The following MCF2L2 variants were observed in gnomAD, a reference collection of about 807,000 sequenced individuals.
MCF2L2 encodes probable guanine nucleotide exchange factor MCF2L2.
Under a neutral mutation model 150.2 loss-of-function variants are expected in MCF2L2, and 102 were observed. The observed-to-expected ratio is 0.68, with a 90% CI of 0.58 to 0.80. The LOEUF (loss-of-function observed/expected upper bound fraction) is 0.80. Among genes scored for constraint, MCF2L2 ranks in the 30% least tolerant of loss-of-function variants. The pLI is 0.00. For missense variants in MCF2L2, 1,256 were observed against 1,372.8 expected, an observed-to-expected ratio of 0.91 and a Z score of 1.34; for synonymous variants, 465 against 491.3, an observed-to-expected ratio of 0.95 and a Z score of 0.71.
chr3:183,301,355 G>A (rs573851242), intron 10 of MCF2L2, among the ~76,000 whole-genome samples: 10 of 152,302 alleles, frequency 6.6e-5, no homozygotes, highest in African/African-American at 2.2e-4. Context: ...AGGTCATATG[G>A]TATCTTAGAC....
At chr3:183,296,582 C>T (rs1185660336) in intron 12 of MCF2L2, 4 of 168,260 alleles carry the variant, frequency 2.4e-5, no homozygotes, top group African/African-American at 9.5e-5. Flanking sequence ...CCCTGCATCC[C>T]TCCTTGACAG....
chr3:183,264,155 C>A (rs1042427256), intron 15 of MCF2L2, among the ~76,000 whole-genome samples: 4 of 152,210 alleles, frequency 2.6e-5, no homozygotes, highest in African/African-American at 9.7e-5. Context: ...CCCTAAGACT[C>A]CTCTACCTGA....
intron 3 of MCF2L2, among the ~76,000 whole-genome samples, chr3:183,350,903 CAA>C (rs553499577): frequency 1.0e-4 from 11 of 105,864 alleles, no homozygotes; most frequent in South Asian, 2.9e-4. Context: ...GACTCCGTCT[CAA>C]AAAAAAAAAA....
At chr3:183,415,195 T>G (rs533089314) in intron 1 of MCF2L2, among the ~76,000 whole-genome samples, 1 of 152,082 alleles carries the variant, frequency 6.6e-6, no homozygotes, top group Admixed American at 6.5e-5. Context: ...CTGAATTTTT[T>G]TTTTTTTGAG....
intron 15 of MCF2L2, chr3:183,253,839 T>C (rs1451792537): frequency 2.0e-5 from 3 of 152,230 alleles, no homozygotes; most frequent in Non-Finnish European, 2.9e-5. Flanking sequence ...GTCAGTTACG[T>C]GGTGAAAACA....
chr3:183,383,704 G>A (rs575382569), intron 2 of MCF2L2, among the ~76,000 whole-genome samples: 1 of 152,108 alleles, frequency 6.6e-6, no homozygotes, highest in Non-Finnish European at 1.5e-5. Flanking sequence ...ACATACTATT[G>A]AAAGATATGT....
chr3:183,427,792 A>G (rs927784950), intron 1 of MCF2L2, 110 bp downstream of exon 1: 1 of 923,058 alleles, frequency 1.1e-6, no homozygotes, highest in South Asian at 1.4e-5. Flanking sequence ...GCAACCCCCC[A>G]GGAAGCGCGC....
chr3:183,341,633 G>A lies in MCF2L2; in HGVS notation c.276-3C>T. 3.1e-6 allele frequency: 5 copies of A among 1,604,782 alleles called. No individual in the cohort carries two copies. Among genetic ancestry groups the A allele is most frequent in the Non-Finnish European group, 4.3e-6 (5 of 1,171,436 alleles). The stretch of plus-strand genomic sequence containing the variant: ...ATCCAATGCTGGCAGCCTCCACACT[G>A]CAAAGAAGGGTGGTCAGTGTCAGAG... On this transcript the variant is annotated splice_polypyrimidine_tract_variant and splice_region_variant and intron_variant, in intron 3 of 29. Transcript: ENST00000328913.
intron 1 of MCF2L2, among the ~76,000 whole-genome samples, chr3:183,396,029 T>C (rs533090021): frequency 1.3e-5 from 2 of 150,570 alleles, no homozygotes; most frequent in Admixed American, 1.3e-4. Flanking sequence ...ACCCTCACTT[T>C]GGAGGGCTCA....
intron 1 of MCF2L2, among the ~76,000 whole-genome samples, chr3:183,414,273 T>TA (rs1451348707): frequency 6.6e-6 from 1 of 152,234 alleles, no homozygotes; most frequent in East Asian, 1.9e-4. Flanking sequence ...GTTATAGGTC[T>TA]ATTCATATTT....
chr3:183,365,560 T>C (rs1458155335), intron 3 of MCF2L2, among the ~76,000 whole-genome samples: 1 of 152,224 alleles, frequency 6.6e-6, no homozygotes. Flanking sequence ...GATAACTGAA[T>C]AGCCATTTTG....
At chr3:183,410,296 G>A (rs995114180) in intron 1 of MCF2L2, among the ~76,000 whole-genome samples, 2 of 152,172 alleles carry the variant, frequency 1.3e-5, no homozygotes, top group Non-Finnish European at 2.9e-5. Flanking sequence ...AATTGATCAA[G>A]CATCAACTTG....
chr3:183,308,007 C>T (rs950649358), intron 10 of MCF2L2, among the ~76,000 whole-genome samples: 2 of 152,254 alleles, frequency 1.3e-5, no homozygotes, highest in Non-Finnish European at 2.9e-5. Flanking sequence ...AGGTCGTCTT[C>T]TCAGGCCTTT....
chr3:183,241,683 G>A (rs1252935645), intron 15 of MCF2L2, among the ~76,000 whole-genome samples: 1 of 152,124 alleles, frequency 6.6e-6, no homozygotes, highest in African/African-American at 2.4e-5. Context: ...TCTTTATTAG[G>A]AGCATGAGAA....
chr3:183,325,708 G>A (rs1253863160), intron 5 of MCF2L2, among the ~76,000 whole-genome samples: 2 of 152,120 alleles, frequency 1.3e-5, no homozygotes, highest in East Asian at 1.9e-4. Flanking sequence ...ACAGGGTCTG[G>A]AGTTTCAGAA....
At chr3:183,325,145 A>C (rs1270127791) in intron 5 of MCF2L2, among the ~76,000 whole-genome samples, 1 of 149,796 alleles carries the variant, frequency 6.7e-6, no homozygotes, top group Non-Finnish European at 1.5e-5. Flanking sequence ...GAGGGATAGC[A>C]TTAGGAGATA....
intron 27 of MCF2L2, among the ~76,000 whole-genome samples, chr3:183,191,681 A>G (rs956488544): frequency 7.2e-5 from 11 of 152,126 alleles, no homozygotes; most frequent in African/African-American, 2.7e-4. Flanking sequence ...CCTTCTTACC[A>G]TAGATCTTAG....
intron 6 of MCF2L2, among the ~76,000 whole-genome samples, chr3:183,318,564 TCACA>T (rs2108516374): frequency 6.6e-6 from 1 of 152,344 alleles, no homozygotes; most frequent in East Asian, 1.9e-4. Context: ...AAATGCACTG[TCACA>T]CAGAAAAGAA....
rs1174916064 is a variant in MCF2L2, at chr3:183,297,183, A to G, written c.1306-16T>C. The stretch of plus-strand genomic sequence containing the variant: ...ATTGGCTGACCTTTTGGAAAGAAAC[A>G]GTGCCCTGTGCACTTCGCCTGACCA... On this transcript the variant is annotated splice_polypyrimidine_tract_variant and intron_variant, in intron 11 of 29. Coordinates refer to ENST00000328913, the MANE Select transcript of MCF2L2 (RefSeq NM_015078.4). 6 of 1,611,730 alleles carry G rather than the reference A, an allele frequency of 3.7e-6. No individual in the cohort carries two copies. Among genetic ancestry groups the G allele is most frequent in the African/African-American group, 1.3e-5 (1 of 75,036 alleles).
Sources: allele counts gnomAD v4.1 joint callset (sites outside exome capture counted in the v4.1 genomes callset), GRCh38; gene constraint gnomAD v4.1.1; transcripts MANE v1.5; gene names NCBI Gene and HGNC (gene_info 2026-07-23, HGNC 2026-07-21).